Variants in DPP10 observed in about 807,000 individuals in gnomAD.
The protein encoded by DPP10 is dipeptidyl peptidase like 10.
Under a neutral mutation model 120.9 loss-of-function variants are expected in DPP10, and 33 were observed. The ratio of observed to expected loss-of-function variants is 0.27; its 90% CI spans 0.21 to 0.37. The LOEUF (loss-of-function observed/expected upper bound fraction) is 0.37, where lower values mean the gene tolerates loss of function less well. DPP10 is among the 10% of genes least tolerant of loss of function. DPP10 has a pLI of 1.00. For missense variants in DPP10, 816 were observed against 942.8 expected (o/e 0.87, Z 1.76); for synonymous variants, 337 against 326.1 (o/e 1.03, Z -0.36).
At chr2:115,234,542 G>C (rs1018684416) in intron 1 of DPP10, 2 of 152,600 alleles carry the variant, frequency 1.3e-5, no homozygotes, top group African/African-American at 4.8e-5. Flanking sequence ...GCAGTTTTCT[G>C]TACTCTAGTC....
At chr2:114,608,239 A>C (rs888827608) in intron 1 of DPP10, among the ~76,000 whole-genome samples, 2 of 110,212 alleles carry the variant, frequency 1.8e-5, no homozygotes, top group African/African-American at 7.2e-5. Context: ...ACAGAAGATA[A>C]CCAGGTGGTT....
At chr2:115,301,072 C>T (rs543210747) in intron 1 of DPP10, among the ~76,000 whole-genome samples, 44 of 152,106 alleles carry the variant, frequency 2.9e-4, no homozygotes, top group African/African-American at 1.0e-3. Flanking sequence ...GTGGTGTTCT[C>T]TCCCAATTTC....
At chr2:114,869,426 T>C (rs895281296) in intron 1 of DPP10, among the ~76,000 whole-genome samples, 3 of 152,090 alleles carry the variant, frequency 2.0e-5, no homozygotes, top group African/African-American at 4.8e-5. Flanking sequence ...TTCTTACAGA[T>C]AGGCAGCAAG....
chr2:115,035,835 C>G (rs1312625345), intron 1 of DPP10, among the ~76,000 whole-genome samples: 1 of 152,170 alleles, frequency 6.6e-6, no homozygotes, highest in Non-Finnish European at 1.5e-5. Context: ...ATACAATTAA[C>G]TATTACTATG....
At chr2:115,322,128 A>C (rs2062092864) in intron 2 of DPP10, among the ~76,000 whole-genome samples, 1 of 151,848 alleles carries the variant, frequency 6.6e-6, no homozygotes, top group East Asian at 1.9e-4. Flanking sequence ...TGAAAAGTGT[A>C]CATCTTGAAT....
intron 12 of DPP10, 150 bp from the exon 13 acceptor site, chr2:115,768,147 G>A (rs1681019987): frequency 1.6e-6 from 1 of 619,198 alleles, no homozygotes; most frequent in African/African-American, 1.9e-5. Flanking sequence ...TTAAAAAATA[G>A]CATACATTCA....
At chr2:114,892,264 T>A (rs1692601194) in intron 1 of DPP10, among the ~76,000 whole-genome samples, 1 of 152,190 alleles carries the variant, frequency 6.6e-6, no homozygotes, top group Non-Finnish European at 1.5e-5. Context: ...ATAAACCATG[T>A]ACATCAGTGT....
At chr2:115,683,005 C>T (rs1374306089) in intron 5 of DPP10, among the ~76,000 whole-genome samples, 3 of 151,768 alleles carry the variant, frequency 2.0e-5, no homozygotes, top group African/African-American at 4.8e-5. Flanking sequence ...ATCATGCTGC[C>T]TATAACAGAA....
intron 5 of DPP10, among the ~76,000 whole-genome samples, chr2:115,563,916 A>T (rs1444588860): frequency 6.6e-6 from 1 of 152,170 alleles, no homozygotes; most frequent in Admixed American, 6.5e-5. Context: ...CTGTATTCAA[A>T]TTTTTATCTA....
chr2:115,120,727 G>T (rs538151265), intron 1 of DPP10, among the ~76,000 whole-genome samples: 26 of 152,062 alleles, frequency 1.7e-4, no homozygotes, highest in African/African-American at 5.8e-4. Flanking sequence ...ACTTACATAG[G>T]TCACCTACAA....
At chr2:114,647,666 A>G (rs1264323386) in intron 1 of DPP10, among the ~76,000 whole-genome samples, 1 of 151,618 alleles carries the variant, frequency 6.6e-6, no homozygotes, top group Admixed American at 6.6e-5. Context: ...CTTTGATTTT[A>G]CCTTCAGACA....
chr2:114,860,576 T>A (rs901958829), intron 1 of DPP10, among the ~76,000 whole-genome samples: 32 of 152,350 alleles, frequency 2.1e-4, no homozygotes, highest in Non-Finnish European at 4.0e-4. Flanking sequence ...TGTCACATAT[T>A]TATTTGTTAA....
At chr2:115,460,699 A>G (rs2073937181) in intron 3 of DPP10, among the ~76,000 whole-genome samples, 1 of 152,160 alleles carries the variant, frequency 6.6e-6, no homozygotes, top group Non-Finnish European at 1.5e-5. Context: ...ATCCCGAGAA[A>G]TGGCATAGGA....
At chr2:114,453,890 T>A (rs1395096874) in intron 1 of DPP10, among the ~76,000 whole-genome samples, 1 of 152,186 alleles carries the variant, frequency 6.6e-6, no homozygotes, top group Non-Finnish European at 1.5e-5. Flanking sequence ...ACAATAGATA[T>A]TAAGTTGCAC....
At chr2:115,678,940 G>A (rs991579362) in intron 5 of DPP10, among the ~76,000 whole-genome samples, 4 of 152,158 alleles carry the variant, frequency 2.6e-5, no homozygotes, top group African/African-American at 9.7e-5. Flanking sequence ...ACTTGCATGG[G>A]GCCTGGAGCC....
At chr2:114,561,572 A>G (rs894823752) in intron 1 of DPP10, among the ~76,000 whole-genome samples, 1 of 152,006 alleles carries the variant, frequency 6.6e-6, no homozygotes, top group Non-Finnish European at 1.5e-5. Context: ...TTCTCTCACT[A>G]TTAGAAAGAG....
intron 3 of DPP10, among the ~76,000 whole-genome samples, chr2:115,491,090 C>T (rs2076091797): frequency 6.6e-6 from 1 of 152,140 alleles, no homozygotes. Context: ...TGTACTCCAG[C>T]CTCCAGCCTG....
intron 1 of DPP10, among the ~76,000 whole-genome samples, chr2:114,787,132 G>T (rs1011235331): frequency 1.3e-5 from 2 of 152,150 alleles, no homozygotes; most frequent in African/African-American, 4.8e-5. Context: ...GGTAGGGTAG[G>T]GGATTATTTT....
intron 5 of DPP10, among the ~76,000 whole-genome samples, chr2:115,604,749 T>C (rs1374156333): frequency 6.6e-6 from 1 of 152,190 alleles, no homozygotes; most frequent in African/African-American, 2.4e-5. Context: ...TAGCCTTGCA[T>C]ACTTTTCATG....
Sources: allele counts gnomAD v4.1 joint callset (sites outside exome capture counted in the v4.1 genomes callset), GRCh38; gene constraint gnomAD v4.1.1; transcripts MANE v1.5; gene names NCBI Gene and HGNC (gene_info 2026-07-23, HGNC 2026-07-21).